Variants in CYP7B1 observed in about 807,000 individuals in gnomAD.
The protein encoded by CYP7B1 is cytochrome P450 7B1.
Under a neutral mutation model 42.7 loss-of-function variants are expected in CYP7B1, and 29 were observed. The observed-to-expected ratio is 0.68, with a 90% CI of 0.51 to 0.93. CYP7B1 has a LOEUF of 0.93. Among genes scored for constraint, CYP7B1 ranks in the 40% least tolerant of loss-of-function variants. The pLI is 0.00. For missense variants in CYP7B1, 655 were observed against 600.5 expected (o/e 1.09, Z -0.95); for synonymous variants, 235 against 218.2 (o/e 1.08, Z -0.68).
At chr8:64,785,025 C>T (rs1339686519) in intron 1 of CYP7B1, among the ~76,000 whole-genome samples, 1 of 152,064 alleles carries the variant, frequency 6.6e-6, no homozygotes, top group Admixed American at 6.5e-5. Flanking sequence ...AAGAAAACAA[C>T]CTAATTTTTT....
At chr8:64,703,569 G>A (rs1806949561) in intron 1 of CYP7B1, among the ~76,000 whole-genome samples, 1 of 151,952 alleles carries the variant, frequency 6.6e-6, no homozygotes, top group Non-Finnish European at 1.5e-5. Flanking sequence ...CATTAATAGG[G>A]TAAACAAACG....
At chr8:64,736,308 C>T (rs927327206) in intron 1 of CYP7B1, among the ~76,000 whole-genome samples, 4 of 152,272 alleles carry the variant, frequency 2.6e-5, no homozygotes, top group Admixed American at 1.3e-4. Context: ...TCCCTTAGTG[C>T]TCCATCCATC....
At chr8:64,623,219 C>T (rs1189877149) in intron 2 of CYP7B1, among the ~76,000 whole-genome samples, 1 of 152,206 alleles carries the variant, frequency 6.6e-6, no homozygotes, top group Non-Finnish European at 1.5e-5. Context: ...GTCTCTTTCC[C>T]TGCCCTTGAT....
At chr8:64,684,520 A>G (rs915916933) in intron 1 of CYP7B1, among the ~76,000 whole-genome samples, 1 of 152,258 alleles carries the variant, frequency 6.6e-6, no homozygotes, top group Non-Finnish European at 1.5e-5. Context: ...TAAGCAGCGG[A>G]ATAATGCTAA....
downstream of CYP7B1, among the ~76,000 whole-genome samples, chr8:64,589,352 TTAAGTC>T (rs1191065538): frequency 1.3e-5 from 2 of 152,238 alleles, no homozygotes; most frequent in Non-Finnish European, 2.9e-5. Flanking sequence ...TAACTTTTCT[TTAAGTC>T]TAAACTTAGT....
At chr8:64,769,854 T>C (rs1159326275) in intron 1 of CYP7B1, among the ~76,000 whole-genome samples, 2 of 152,164 alleles carry the variant, frequency 1.3e-5, no homozygotes, top group Non-Finnish European at 2.9e-5. Flanking sequence ...TCCTGAAGAC[T>C]GACATCCACC....
At chr8:64,717,237 G>A (rs1157515583) in intron 1 of CYP7B1, among the ~76,000 whole-genome samples, 2 of 151,424 alleles carry the variant, frequency 1.3e-5, no homozygotes, top group Non-Finnish European at 2.9e-5. Flanking sequence ...TGCACAACGT[G>A]CAGGTTAGTT....
Position 64,591,132 on chromosome 8 carries a change from T to G in CYP7B1, c.*5510A>C. Among the ~76,000 whole-genome samples, 1 of 152,174 alleles carries G rather than the reference T, an allele frequency of 6.6e-6. No individual in the cohort carries two copies. The highest frequency in any genetic ancestry group is 1.9e-4 in the East Asian group (1 of 5,202). ...TGTAGAGTTTTTCATGTATTAAATT[T>G]ATTTTACTCTAGCAAGTAGTATAAA... On this transcript the variant is annotated 3_prime_UTR_variant, in exon 6 of 6. Coordinates refer to ENST00000310193, the MANE Select transcript of CYP7B1 (RefSeq NM_004820.5).
chr8:64,663,877 G>A (rs1468387981), intron 1 of CYP7B1, among the ~76,000 whole-genome samples: 2 of 152,130 alleles, frequency 1.3e-5, no homozygotes, highest in East Asian at 1.9e-4. Flanking sequence ...CCCCTAAGTT[G>A]CCCAGTGCTT....
At chr8:64,724,099 G>A (rs2129632931) in intron 1 of CYP7B1, among the ~76,000 whole-genome samples, 1 of 152,108 alleles carries the variant, frequency 6.6e-6, no homozygotes, top group African/African-American at 2.4e-5. Flanking sequence ...ACGGGGTTGG[G>A]GGAGGTAGGG....
intron 1 of CYP7B1, among the ~76,000 whole-genome samples, chr8:64,744,731 A>T (rs959489908): frequency 3.9e-5 from 6 of 152,170 alleles, no homozygotes; most frequent in Non-Finnish European, 5.9e-5. Flanking sequence ...TCTGGTTTTC[A>T]CTGCAATATA....
intron 1 of CYP7B1, among the ~76,000 whole-genome samples, chr8:64,667,885 A>T (rs1806305711): frequency 6.6e-6 from 1 of 152,144 alleles, no homozygotes; most frequent in Non-Finnish European, 1.5e-5. Context: ...GGCGTTCTTG[A>T]GTGTTTTTGC....
intron 1 of CYP7B1, among the ~76,000 whole-genome samples, chr8:64,797,762 T>C (rs1418912147): frequency 6.6e-6 from 1 of 152,060 alleles, no homozygotes; most frequent in Non-Finnish European, 1.5e-5. Context: ...AGTATGAAAA[T>C]AGGACCCAGA....
intron 1 of CYP7B1, among the ~76,000 whole-genome samples, chr8:64,640,527 T>C (rs192704401): frequency 1.1e-4 from 16 of 152,290 alleles, no homozygotes; most frequent in African/African-American, 3.8e-4. Flanking sequence ...TCTTTGTATT[T>C]TCCAAGCCGA....
chr8:64,725,974 T>C (rs1488835852), intron 1 of CYP7B1, among the ~76,000 whole-genome samples: 1 of 152,222 alleles, frequency 6.6e-6, no homozygotes, highest in Non-Finnish European at 1.5e-5. Context: ...CAGAGATTTC[T>C]GAGTAATCAC....
intron 1 of CYP7B1, among the ~76,000 whole-genome samples, chr8:64,730,389 C>G (rs1807391061): frequency 6.6e-6 from 1 of 152,008 alleles, no homozygotes; most frequent in Admixed American, 6.6e-5. Flanking sequence ...GTCCAATTCC[C>G]TCTTTTAAGC....
chr8:64,645,627 GTAATTTA>G (rs1484678246), intron 1 of CYP7B1, among the ~76,000 whole-genome samples: 1 of 152,114 alleles, frequency 6.6e-6, no homozygotes, highest in East Asian at 1.9e-4. Flanking sequence ...ACTGCCCAAG[GTAATTTA>G]TAGATTAAAT....
intron 1 of CYP7B1, chr8:64,734,339 C>T (rs1288227477): frequency 6.6e-6 from 1 of 152,150 alleles, no homozygotes; most frequent in Non-Finnish European, 1.5e-5. Context: ...AATTAATTTT[C>T]TCACAGTTCT....
intron 1 of CYP7B1, among the ~76,000 whole-genome samples, chr8:64,702,793 A>G (rs1442621505): frequency 6.6e-6 from 1 of 152,084 alleles, no homozygotes; most frequent in African/African-American, 2.4e-5. Context: ...TACGGCAATA[A>G]TATCGGGCAT....
Sources: gnomAD v4.1 joint callset for allele counts (sites outside exome capture counted in the v4.1 genomes callset) on GRCh38, gnomAD v4.1.1 for gene constraint, MANE v1.5 for transcripts, NCBI Gene and HGNC (gene_info 2026-07-23, HGNC 2026-07-21) for gene names.